ZDHHC3: variants seen among roughly 807,000 people sequenced by gnomAD.
The protein encoded by ZDHHC3 is palmitoyltransferase ZDHHC3.
In ZDHHC3, 9 loss-of-function variants were observed where a neutral mutation model predicts 30.6. That is an observed-to-expected ratio of 0.29 (90% CI 0.18 to 0.51). ZDHHC3 has a LOEUF of 0.51. Ranked by LOEUF, ZDHHC3 falls within the 20% of genes least tolerant of loss-of-function variation. The pLI, the probability that ZDHHC3 is intolerant of heterozygous loss-of-function variation, is 0.97. For missense variants in ZDHHC3, 246 were observed against 384.2 expected, an observed-to-expected ratio of 0.64 and a Z score of 3.01; for synonymous variants, 136 against 140.2, an observed-to-expected ratio of 0.97 and a Z score of 0.21.
rs186101240 is a variant in ZDHHC3, at chr3:44,921,059, G to A, written c.*5630C>T. Reference sequence around the variant, plus strand: ...ATAGTAGCTTCAGGCTCAAGAGAACGAACAAAAATGGTTGATGCCTGGTAA... The same window carrying A: ...ATAGTAGCTTCAGGCTCAAGAGAACAAACAAAAATGGTTGATGCCTGGTAA... On this transcript the variant is annotated 3_prime_UTR_variant, in exon 7 of 7. Coordinates refer to ENST00000424952, the MANE Select transcript of ZDHHC3 (RefSeq NM_001135179.2). 249 of 985,406 alleles carry A rather than the reference G, an allele frequency of 2.5e-4. 1 individual carries two copies. The highest frequency in any genetic ancestry group is 5.2e-4 in the Middle Eastern group (1 of 1,914). The allele number at this position is 985,406 out of a possible 1,614,324, so 61.0% of individuals were successfully genotyped here.
chr3:44,924,389 T>C lies in ZDHHC3; in HGVS notation c.*2300A>G. ...GAAAAATGCCAGGAACCTTGGGGTA[T>C]TCCTATCTTCTGAGAGCAACTGGTT... On this transcript the variant is annotated 3_prime_UTR_variant, in exon 7 of 7. Transcript: ENST00000424952. The C allele has an allele frequency of 1.0e-6, 1 of 985,458 alleles. No homozygotes were observed. The highest frequency in any genetic ancestry group is 1.2e-6 in the Non-Finnish European group (1 of 829,932). 61.0% of individuals were successfully genotyped at this position (985,458 alleles called of 1,614,324 possible). A position where few individuals can be genotyped will look rare whatever the true frequency, so the allele number is the denominator to read the frequency against.
intron 1 of ZDHHC3, among the ~76,000 whole-genome samples, chr3:44,962,308 CATT>C (rs1268959184): frequency 2.0e-5 from 3 of 152,118 alleles, no homozygotes; most frequent in Non-Finnish European, 4.4e-5. Context: ...GACAATTCCT[CATT>C]CTTGATTGTA....
intron 2 of ZDHHC3, among the ~76,000 whole-genome samples, chr3:44,957,276 C>T (rs953343292): frequency 2.0e-5 from 3 of 152,198 alleles, no homozygotes; most frequent in African/African-American, 7.2e-5. Flanking sequence ...GACCCCGTCA[C>T]TACAAAGTGA....
At position 44,924,129 on chromosome 3, in the gene ZDHHC3, A is replaced by C; in HGVS notation, c.*2560T>G. 1.0e-6 allele frequency: 1 copy of C among 985,426 alleles called. No individual in the cohort carries two copies. The highest frequency in any genetic ancestry group is 1.2e-6 in the Non-Finnish European group (1 of 829,930). 61.0% of individuals were successfully genotyped at this position (985,426 alleles called of 1,614,324 possible). On this transcript the variant is annotated 3_prime_UTR_variant, in exon 7 of 7. Transcript: ENST00000424952. ...GACTGGTTCAATTTCCCATGAGTGCACCAAACAGTACTATCAGAACTCCTG... is the reference window on the plus strand; with the variant it reads ...GACTGGTTCAATTTCCCATGAGTGCCCCAAACAGTACTATCAGAACTCCTG...
Position 44,918,657 on chromosome 3 carries a change from G to A in ZDHHC3, c.*8032C>T, listed in dbSNP as rs1700378175. ...AAACAGCATGCGAGGTGAAGAAGCGGGTGCTCGTACAGCAAGTGCCAACAT... is the reference window on the plus strand; with the variant it reads ...AAACAGCATGCGAGGTGAAGAAGCGAGTGCTCGTACAGCAAGTGCCAACAT... On this transcript the variant is annotated 3_prime_UTR_variant, in exon 7 of 7. Transcript: ENST00000424952. 1 of 1,000,982 alleles carries A rather than the reference G, an allele frequency of 1.0e-6. No homozygotes were observed. The highest frequency in any genetic ancestry group is 5.2e-5 in the Admixed American group (1 of 19,316). The allele number at this position is 1,000,982 out of a possible 1,614,324, so 62.0% of individuals were successfully genotyped here.
intron 1 of ZDHHC3, among the ~76,000 whole-genome samples, chr3:44,967,849 T>C (rs1175732518): frequency 3.3e-5 from 5 of 152,242 alleles, no homozygotes; most frequent in Non-Finnish European, 5.9e-5. Flanking sequence ...TGAAAACTTA[T>C]GTTTTAGGCA....
intron 3 of ZDHHC3, among the ~76,000 whole-genome samples, chr3:44,941,769 A>G (rs1702461593): frequency 6.6e-6 from 1 of 152,212 alleles, no homozygotes; most frequent in Non-Finnish European, 1.5e-5. Context: ...AAAAAAAAAA[A>G]AAAAAGTCTA....
Position 44,918,367 on chromosome 3 carries a change from C to G in ZDHHC3, c.*8322G>C. The G allele has an allele frequency of 1.0e-6, 1 of 985,338 alleles. No homozygotes were observed. Among genetic ancestry groups the G allele is most frequent in the Non-Finnish European group, 1.2e-6 (1 of 829,920 alleles). 61.0% of individuals were successfully genotyped at this position (985,338 alleles called of 1,614,324 possible). A position where few individuals can be genotyped will look rare whatever the true frequency, so the allele number is the denominator to read the frequency against. On this transcript the variant is annotated 3_prime_UTR_variant, in exon 7 of 7. Transcript: ENST00000424952. ...GGGTGGACAGCAGCGTGGAGGAACA[C>G]AGCAAGCAGGGCCCGCCTGGTGGAC...
chr3:44,973,603 C>T (rs1705592436), intron 1 of ZDHHC3, among the ~76,000 whole-genome samples: 1 of 152,156 alleles, frequency 6.6e-6, no homozygotes, highest in Admixed American at 6.5e-5. Flanking sequence ...GGATTGCAGG[C>T]ATGCGCCACC....
chr3:44,957,699 T>C (rs560057200), intron 2 of ZDHHC3, among the ~76,000 whole-genome samples: 1 of 152,328 alleles, frequency 6.6e-6, no homozygotes, highest in South Asian at 2.1e-4. Context: ...GGCTTGGGCA[T>C]CGCTTCCTCT....
chr3:44,948,621 G>A (rs115094000), intron 2 of ZDHHC3, among the ~76,000 whole-genome samples: 2,984 of 152,322 alleles, frequency 0.02, 51 homozygotes, highest in Middle Eastern at 0.085. Flanking sequence ...CCACCAGTGC[G>A]TCAGGAGCTA....
At chr3:44,964,560 C>A (rs931712730) in intron 1 of ZDHHC3, among the ~76,000 whole-genome samples, 1 of 152,152 alleles carries the variant, frequency 6.6e-6, no homozygotes, top group Non-Finnish European at 1.5e-5. Context: ...GGGATTTCAT[C>A]CTGAAAGGTA....
chr3:44,959,148 C>T lies in ZDHHC3; in HGVS notation c.289G>A (p.Ala97Thr), dbSNP rs768080724. ...ATACTCACGGGGTCCGTCAGCATGG[C>T]CCGGCAGTGGGAGGCCAGGGCCAAG... Reference protein sequence around the residue: ...AFLALASHCRAMLTDPGAVPK... With the variant: ...AFLALASHCRTMLTDPGAVPK... The change falls in exon 2 of 7, where the codon GCC (alanine) becomes ACC (threonine). Residue 97 changes from alanine (A) to threonine (T), a missense_variant. Ala to Thr is a moderately conservative substitution (Grantham distance 58). Transcript: ENST00000424952. This position sits in a 1 kb window ranked among gnomAD's most constrained non-coding sequence, Gnocchi z 4.3. 6.2e-7 allele frequency: 1 copy of T among 1,614,104 alleles called. No homozygotes were observed. Among genetic ancestry groups the T allele is most frequent in the Non-Finnish European group, 8.5e-7 (1 of 1,180,044 alleles).
intron 4 of ZDHHC3, 148 bp from the exon 5 acceptor site, chr3:44,933,347 A>G: frequency 1.4e-6 from 1 of 700,486 alleles, no homozygotes. Flanking sequence ...CCAGCTAGCG[A>G]TTCCCTACAG....
chr3:44,926,399 A>T lies in ZDHHC3; in HGVS notation c.*290T>A. 8.7e-7 allele frequency: 1 copy of T among 1,142,862 alleles called. No homozygotes were observed. The highest frequency in any genetic ancestry group is 1.1e-6 in the Non-Finnish European group (1 of 931,048). The allele number at this position is 1,142,862 out of a possible 1,614,324, so 70.8% of individuals were successfully genotyped here. On this transcript the variant is annotated 3_prime_UTR_variant, in exon 7 of 7. Transcript: ENST00000424952. Reference sequence around the variant, plus strand: ...CACAGCGCGAGACAGCGCCCTCTACATTAGTCATGCCAGACAGACAGCAGA... The same window carrying T: ...CACAGCGCGAGACAGCGCCCTCTACTTTAGTCATGCCAGACAGACAGCAGA...
At chr3:44,952,739 ACCT>A (rs1046214290) in intron 2 of ZDHHC3, among the ~76,000 whole-genome samples, 2 of 152,056 alleles carry the variant, frequency 1.3e-5, no homozygotes, top group Non-Finnish European at 2.9e-5. Flanking sequence ...CTTGCCAGGC[ACCT>A]CCTTGCTTCT....
At chr3:44,942,746 A>G (rs1702549102) in intron 3 of ZDHHC3, among the ~76,000 whole-genome samples, 1 of 152,234 alleles carries the variant, frequency 6.6e-6, no homozygotes, top group Non-Finnish European at 1.5e-5. Context: ...CTACAAAGAA[A>G]CAACCCTTTT....
intron 3 of ZDHHC3, among the ~76,000 whole-genome samples, chr3:44,943,650 A>G (rs1702643000): frequency 6.6e-6 from 1 of 152,058 alleles, no homozygotes; most frequent in Admixed American, 6.6e-5. Flanking sequence ...CCCCACCCAA[A>G]CACATACCCT....
At chr3:44,972,063 A>T (rs191499502) in intron 1 of ZDHHC3, among the ~76,000 whole-genome samples, 1 of 152,322 alleles carries the variant, frequency 6.6e-6, no homozygotes, top group East Asian at 1.9e-4. Context: ...CTGACTTTGT[A>T]CATTTCAAGG....
Sources: allele counts gnomAD v4.1 joint callset (sites outside exome capture counted in the v4.1 genomes callset), GRCh38; gene constraint gnomAD v4.1.1; non-coding constraint Gnocchi (gnomAD v3.1); transcripts MANE v1.5; gene names NCBI Gene and HGNC (gene_info 2026-07-23, HGNC 2026-07-21).